CNGB3: variants seen among roughly 807,000 people sequenced by gnomAD.
CNGB3 encodes the protein cyclic nucleotide-gated channel beta-3.
In CNGB3, 86 loss-of-function variants were observed where a neutral mutation model predicts 92.8. The ratio of observed to expected loss-of-function variants is 0.93; its 90% CI spans 0.78 to 1.11. The LOEUF is 1.11. CNGB3 is among the 50% of genes least tolerant of loss of function. CNGB3 has a pLI of 0.00. For missense variants in CNGB3, 1,026 were observed against 956.8 expected (o/e 1.07, Z -0.95); for synonymous variants, 333 against 332.7 (o/e 1.00, Z -0.01).
At chr8:86,581,193 C>T (rs1223676010) in intron 15 of CNGB3, among the ~76,000 whole-genome samples, 1 of 152,198 alleles carries the variant, frequency 6.6e-6, no homozygotes, top group Non-Finnish European at 1.5e-5. Flanking sequence ...GGGCAAACTA[C>T]CGCCCCCAAA....
At chr8:86,651,867 AC>A in intron 7 of CNGB3, among the ~76,000 whole-genome samples, 1 of 152,120 alleles carries the variant, frequency 6.6e-6, no homozygotes, top group South Asian at 2.1e-4. Context: ...ATGATCAGGT[AC>A]AAAAATACAG....
chr8:86,614,835 C>T (rs1251560223), intron 13 of CNGB3, among the ~76,000 whole-genome samples: 1 of 150,020 alleles, frequency 6.7e-6, no homozygotes, highest in Non-Finnish European at 1.5e-5. Flanking sequence ...ACCACTCATC[C>T]TCTGGAACCC....
At chr8:86,705,570 A>G (rs1824638066) in intron 3 of CNGB3, among the ~76,000 whole-genome samples, 1 of 152,028 alleles carries the variant, frequency 6.6e-6, no homozygotes, top group Non-Finnish European at 1.5e-5. Context: ...CTAAAAACCA[A>G]AAATATTCTC....
At chr8:86,651,806 TAGG>T (rs1039387907) in intron 7 of CNGB3, among the ~76,000 whole-genome samples, 4 of 151,942 alleles carry the variant, frequency 2.6e-5, no homozygotes, top group Admixed American at 6.6e-5. Context: ...GGGGTTGAAA[TAGG>T]AGTAAGATAT....
At chr8:86,627,449 G>A (rs938214443) in intron 12 of CNGB3, among the ~76,000 whole-genome samples, 2 of 152,112 alleles carry the variant, frequency 1.3e-5, no homozygotes, top group African/African-American at 2.4e-5. Flanking sequence ...AGGCTTAAAA[G>A]TGTCAGAAAG....
At chr8:86,619,843 C>G (rs779058907) in intron 13 of CNGB3, among the ~76,000 whole-genome samples, 9 of 145,228 alleles carry the variant, frequency 6.2e-5, no homozygotes, top group Non-Finnish European at 1.3e-4. Context: ...AGGTGATACT[C>G]TTGCCTTGGC....
At chr8:86,627,035 CG>C (rs1822863456) in intron 12 of CNGB3, among the ~76,000 whole-genome samples, 1 of 151,732 alleles carries the variant, frequency 6.6e-6, no homozygotes, top group Non-Finnish European at 1.5e-5. Flanking sequence ...CCAAGGGTCA[CG>C]TTTGTTCCCC....
chr8:86,625,988 A>G lies in CNGB3; in HGVS notation c.1573T>C (p.Phe525Leu), dbSNP rs2131580299. 1.9e-6 allele frequency: 3 copies of G among 1,613,046 alleles called. No homozygotes were observed. The part of the protein sequence containing the change: ...NFSIISKVDL[F>L]KGCDTQMIYD... ...TTAATTGTAAAAGCACTTGCCTTGA[A>G]CAAGTCGACTTTGCTGATGATGCTG... The change falls in exon 13 of 18, where the codon TTC becomes CTC. Residue 525 changes from phenylalanine (F) to leucine (L), a missense_variant. By Grantham distance (22) the Phe-to-Leu change is conservative (BLOSUM62 0). Coordinates refer to ENST00000320005, the MANE Select transcript of CNGB3 (RefSeq NM_019098.5).
chr8:86,662,801 T>A (rs895866080), intron 6 of CNGB3, among the ~76,000 whole-genome samples: 2 of 152,106 alleles, frequency 1.3e-5, no homozygotes, highest in Admixed American at 6.5e-5. Flanking sequence ...TTTCACACAA[T>A]AAAGCCCTGC....
At chr8:86,636,540 T>A (rs1823074730) in intron 10 of CNGB3, among the ~76,000 whole-genome samples, 1 of 115,782 alleles carries the variant, frequency 8.6e-6, no homozygotes, top group Non-Finnish European at 1.6e-5. Flanking sequence ...GCCACTGCAC[T>A]CTAGCCGGGG....
intron 3 of CNGB3, among the ~76,000 whole-genome samples, chr8:86,693,416 T>TTTTTTA (rs199572257): frequency 0.29 from 38,202 of 132,590 alleles, 5,407 homozygotes; most frequent in African/African-American, 0.4. Context: ...TTTGTTCATT[T>TTTTTTA]TTTTTTATTA....
intron 3 of CNGB3, chr8:86,704,485 G>A (rs1055992071): frequency 6.6e-6 from 1 of 152,158 alleles, no homozygotes; most frequent in African/African-American, 2.4e-5. Flanking sequence ...TGTTAACTAG[G>A]GATGATAAAA....
intron 3 of CNGB3, among the ~76,000 whole-genome samples, chr8:86,721,423 G>A (rs1468128426): frequency 6.6e-6 from 1 of 151,878 alleles, no homozygotes; most frequent in African/African-American, 2.4e-5. Context: ...GAAAGAGTGG[G>A]AAGGGGGTGA....
intron 4 of CNGB3, among the ~76,000 whole-genome samples, chr8:86,669,752 T>C (rs1823818762): frequency 6.6e-6 from 1 of 152,240 alleles, no homozygotes; most frequent in Non-Finnish European, 1.5e-5. Context: ...TTTGCATTTA[T>C]ATGTTAAACA....
intron 6 of CNGB3, chr8:86,657,732 T>C (rs1585997246): frequency 2.1e-6 from 1 of 470,476 alleles, no homozygotes; most frequent in African/African-American, 2.0e-5. Flanking sequence ...CACCAGCTCC[T>C]GCAGCTCCTG....
intron 6 of CNGB3, chr8:86,659,743 G>T: frequency 2.7e-6 from 1 of 371,084 alleles, no homozygotes. Flanking sequence ...GATCCCTATG[G>T]TCTGAATTTG....
chr8:86,621,901 A>T (rs1018536917), intron 13 of CNGB3, among the ~76,000 whole-genome samples: 2 of 152,134 alleles, frequency 1.3e-5, no homozygotes, highest in Admixed American at 1.3e-4. Context: ...TGTCTCTGCT[A>T]AAAATACAAA....
intron 2 of CNGB3, among the ~76,000 whole-genome samples, chr8:86,733,873 A>G (rs1825200289): frequency 1.3e-5 from 2 of 152,084 alleles, no homozygotes; most frequent in Non-Finnish European, 2.9e-5. Context: ...ATTTTAATTT[A>G]TTTATGGTTT....
At chr8:86,622,032 C>A (rs6471439) in intron 13 of CNGB3, among the ~76,000 whole-genome samples, 2,532 of 152,094 alleles carry the variant, frequency 0.017, 79 homozygotes, top group African/African-American at 0.056. Flanking sequence ...GGTGACAGAG[C>A]GAGACATTGT....
Sources: gnomAD v4.1 joint callset for allele counts (sites outside exome capture counted in the v4.1 genomes callset) on GRCh38, gnomAD v4.1.1 for gene constraint, MANE v1.5 for transcripts, NCBI Gene and HGNC (gene_info 2026-07-23, HGNC 2026-07-21) for gene names.